The following DCUN1D1 variants were observed in gnomAD, a reference collection of about 807,000 sequenced individuals.
DCUN1D1 encodes the protein DCN1-like protein 1.
A neutral mutation model predicts 39.0 loss-of-function variants in DCUN1D1; 3 were observed. The observed-to-expected ratio is 0.08, with a 90% confidence interval of 0.04 to 0.20. The LOEUF (loss-of-function observed/expected upper bound fraction) is 0.20, where lower values mean the gene tolerates loss of function less well. DCUN1D1 is among the 10% of genes least tolerant of loss of function. The probability of loss-of-function intolerance (pLI) is 1.00; values close to 1 mark genes in which losing one functional copy is unlikely to be tolerated. For missense variants in DCUN1D1, 158 were observed against 302.4 expected (o/e 0.52, Z 3.54); for synonymous variants, 82 against 96.3 (o/e 0.85, Z 0.87).
Position 182,941,951 on chromosome 3 carries a change from TACTC to T in DCUN1D1, c.*3139_*3142del, listed in dbSNP as rs937827682. ...AAGTGTACATTAAGTTAGCTACTAC[TACTC>T]ACTTCTTGATTATCATCAAATAAAA... is the stretch of plus-strand genomic sequence containing the variant. On this transcript the variant is annotated 3_prime_UTR_variant, in exon 7 of 7. Coordinates refer to ENST00000292782, the MANE Select transcript of DCUN1D1 (RefSeq NM_020640.4). 10 of 152,158 alleles carry T rather than the reference TACTC, an allele frequency of 6.6e-5. No individual in the cohort carries two copies. The highest frequency in any genetic ancestry group is 2.2e-4 in the African/African-American group (9 of 41,460). 9.4% of individuals were successfully genotyped at this position (152,158 alleles called of 1,614,324 possible).
At chr3:182,962,264 T>C (rs1482737116) in intron 3 of DCUN1D1, among the ~76,000 whole-genome samples, 1 of 152,214 alleles carries the variant, frequency 6.6e-6, no homozygotes, top group Admixed American at 6.5e-5. Flanking sequence ...TCCAGGCCAG[T>C]TAATTTACTG....
chr3:182,979,871 CCTT>C (rs760858235), intron 1 of DCUN1D1, among the ~76,000 whole-genome samples: 2 of 152,138 alleles, frequency 1.3e-5, no homozygotes, highest in Admixed American at 6.5e-5. Context: ...GGGAAACTCT[CCTT>C]CTCCAAAAGC....
chr3:182,980,144 T>TGGG, intron 1 of DCUN1D1: 1 of 838,078 alleles, frequency 1.2e-6, no homozygotes, highest in Non-Finnish European at 1.4e-6. Context: ...GCAAGGCCGT[T>TGGG]GCCCCCTCCC....
chr3:182,961,850 C>T (rs953319740), intron 3 of DCUN1D1, among the ~76,000 whole-genome samples: 1 of 152,208 alleles, frequency 6.6e-6, no homozygotes, highest in Non-Finnish European at 1.5e-5. Flanking sequence ...GAACCTCCTA[C>T]CACCTCCAAC....
At chr3:182,977,294 CTCTGAG>C (rs1448995613) in intron 1 of DCUN1D1, among the ~76,000 whole-genome samples, 1 of 152,170 alleles carries the variant, frequency 6.6e-6, no homozygotes, top group Non-Finnish European at 1.5e-5. Flanking sequence ...ATTAGATGAT[CTCTGAG>C]TCTATTTCAG....
intron 4 of DCUN1D1, among the ~76,000 whole-genome samples, chr3:182,959,767 T>C (rs932857860): frequency 6.6e-6 from 1 of 152,142 alleles, no homozygotes; most frequent in Non-Finnish European, 1.5e-5. Flanking sequence ...TGAAATTTTA[T>C]CCCCACTGTG....
intron 6 of DCUN1D1, 111 bp from the exon 7 acceptor site, chr3:182,945,284 A>G: frequency 1.3e-6 from 1 of 788,190 alleles, no homozygotes; most frequent in Non-Finnish European, 2.0e-6. Flanking sequence ...GTTAAAGTAT[A>G]TCATTCTTAT....
At chr3:182,950,442 A>G (rs1726656075) in intron 4 of DCUN1D1, among the ~76,000 whole-genome samples, 1 of 151,922 alleles carries the variant, frequency 6.6e-6, no homozygotes, top group African/African-American at 2.4e-5. Context: ...CACCGCGCCC[A>G]GCCAAGTTAT....
chr3:182,957,153 T>C (rs1021342174), intron 4 of DCUN1D1, among the ~76,000 whole-genome samples: 3 of 152,206 alleles, frequency 2.0e-5, no homozygotes, highest in Admixed American at 1.3e-4. Flanking sequence ...AACTGTGTAA[T>C]AACAAGTAAG....
intron 4 of DCUN1D1, among the ~76,000 whole-genome samples, chr3:182,957,609 G>A (rs189857367): frequency 6.6e-6 from 1 of 151,972 alleles, no homozygotes; most frequent in Non-Finnish European, 1.5e-5. Context: ...CTAGGCAAGA[G>A]AGCCAGATCC....
At chr3:182,965,512 CT>C (rs1274043026) in intron 2 of DCUN1D1, 24 bp downstream of exon 2, 1 of 1,530,806 alleles carries the variant, frequency 6.5e-7, no homozygotes, top group Non-Finnish European at 9.0e-7. Flanking sequence ...CCAAAATTTA[CT>C]TAAAGTCACA....
rs1298420319 is a variant in DCUN1D1, at chr3:182,947,313, G to C, written c.625C>G (p.Pro209Ala). ...FLLEHHKRSI[P>A]KDTWNLLLDF... ...AAAAGAAGATTCCAAGTGTCTTTTG[G>C]TATTGATCGTTTATGATGTTCCTAT... is the stretch of plus-strand genomic sequence containing the variant. Residue 209 changes from proline (P) to alanine (A), a missense_variant, in exon 6 of 7, where the codon CCA (proline) becomes GCA (alanine). Physicochemically the swap from Pro to Ala is conservative, Grantham distance 27. This residue lies in a region of DCUN1D1 where 25 missense variants were observed against 26.3 expected (regional missense o/e 0.95). Transcript: ENST00000292782. 1 of 1,606,872 alleles carries C rather than the reference G, an allele frequency of 6.2e-7. No homozygotes were observed. The highest frequency in any genetic ancestry group is 8.5e-7 in the Non-Finnish European group (1 of 1,176,396).
chr3:182,941,142 A>G lies in DCUN1D1; in HGVS notation c.*3952T>C, dbSNP rs965959308. On this transcript the variant is annotated 3_prime_UTR_variant, in exon 7 of 7. Transcript: ENST00000292782. ...AAGATAGCAAGAATGCTCTGATAAAATCATTTATGTAACTATATTATGAGT... is the reference window on the plus strand; with the variant it reads ...AAGATAGCAAGAATGCTCTGATAAAGTCATTTATGTAACTATATTATGAGT... 1 of 115,306 alleles carries G rather than the reference A, an allele frequency of 8.7e-6. No homozygotes were observed. The highest frequency in any genetic ancestry group is 2.3e-5 in the Non-Finnish European group (1 of 43,766). The allele number at this position is 115,306 out of a possible 1,614,324, so 7.1% of individuals were successfully genotyped here.
chr3:182,947,434 T>C (rs1726471129), intron 5 of DCUN1D1, 100 bp from the exon 6 acceptor site: 2 of 1,112,392 alleles, frequency 1.8e-6, no homozygotes, highest in East Asian at 2.5e-5. Flanking sequence ...AACAATTATG[T>C]AACAAAATTC....
At chr3:182,951,844 G>C (rs1027576998) in intron 4 of DCUN1D1, among the ~76,000 whole-genome samples, 4 of 151,676 alleles carry the variant, frequency 2.6e-5, no homozygotes, top group African/African-American at 7.3e-5. Flanking sequence ...CTACAGGCAT[G>C]AGCCACCATG....
chr3:182,977,593 G>A (rs902440910), intron 1 of DCUN1D1, among the ~76,000 whole-genome samples: 4 of 151,970 alleles, frequency 2.6e-5, no homozygotes, highest in Non-Finnish European at 5.9e-5. Context: ...CCACCACCAC[G>A]CCTGGCTAAT....
upstream of DCUN1D1, among the ~76,000 whole-genome samples, chr3:182,984,113 G>T (rs1262614946): frequency 6.6e-6 from 1 of 152,106 alleles, no homozygotes; most frequent in Non-Finnish European, 1.5e-5. Flanking sequence ...AAAAGAAAGA[G>T]ATATGTAACT....
At chr3:182,974,877 A>AT (rs563666373) in intron 1 of DCUN1D1, among the ~76,000 whole-genome samples, 21 of 151,344 alleles carry the variant, frequency 1.4e-4, no homozygotes, top group South Asian at 4.2e-4. Flanking sequence ...TATTTCAGTG[A>AT]TTTTTTTTCC....
chr3:182,965,294 A>C (rs928694300), intron 2 of DCUN1D1, among the ~76,000 whole-genome samples: 1 of 152,184 alleles, frequency 6.6e-6, no homozygotes, highest in South Asian at 2.1e-4. Flanking sequence ...GGGCAGAAAA[A>C]ACAGTTCCCC....
Sources: gnomAD v4.1 joint callset for allele counts (sites outside exome capture counted in the v4.1 genomes callset) on GRCh38, gnomAD v4.1.1 for gene constraint, gnomAD v4.1.1 regional missense constraint, MANE v1.5 for transcripts, NCBI Gene and HGNC (gene_info 2026-07-23, HGNC 2026-07-21) for gene names.